The following NEDD4 variants were observed in gnomAD, a reference collection of about 807,000 sequenced individuals.
The protein encoded by NEDD4 is NEDD4 E3 ubiquitin protein ligase.
NEDD4 carries 99 observed loss-of-function variants against 144.9 expected under a neutral mutation model. The ratio of observed to expected loss-of-function variants is 0.68; its 90% confidence interval spans 0.58 to 0.81. The LOEUF (loss-of-function observed/expected upper bound fraction) is 0.81, where lower values mean the gene tolerates loss of function less well. Ranked by LOEUF, NEDD4 falls within the 30% of genes least tolerant of loss-of-function variation. The pLI is 0.00. For missense variants in NEDD4, 985 were observed against 1,065.9 expected, an observed-to-expected ratio of 0.92 and a Z score of 1.06; for synonymous variants, 318 against 350.6, an observed-to-expected ratio of 0.91 and a Z score of 1.04.
At position 55,840,489 on chromosome 15, in the gene NEDD4, C is replaced by T; in HGVS notation, c.1989G>A (p.Met663Ile). The change falls in exon 21 of 29, where the codon ATG becomes ATA. Residue 663 changes from methionine (M) to isoleucine (I), a missense_variant. Coordinates refer to ENST00000435532, the MANE Select transcript of NEDD4 (RefSeq NM_006154.4). ...DGFFIRPFYK[M>I]MLHKPITLHD... ...GAAGGGTTATTGGTTTGTGAAGCAT[C>T]ATCTTGTAAAATGGGCGGATGAAAA... 1 of 1,613,916 alleles carries T rather than the reference C, an allele frequency of 6.2e-7. No individual in the cohort carries two copies. The highest frequency in any genetic ancestry group is 8.5e-7 in the Non-Finnish European group (1 of 1,179,964).
At chr15:55,949,900 T>C (rs1480783613) in intron 4 of NEDD4, among the ~76,000 whole-genome samples, 1 of 151,476 alleles carries the variant, frequency 6.6e-6, no homozygotes, top group Admixed American at 6.6e-5. Flanking sequence ...TGTATACATA[T>C]GTAACAAACC....
chr15:55,875,400 C>T (rs935758852), intron 5 of NEDD4, among the ~76,000 whole-genome samples: 14 of 152,110 alleles, frequency 9.2e-5, no homozygotes, highest in African/African-American at 3.4e-4. Context: ...ACCTCTACTT[C>T]CTGGGTTCAA....
rs1426399222 is a variant in NEDD4 at position 55,947,237 on chromosome 15, T to G, written c.237+4139A>C. ...TCCAGGAGGTAGTTTTTTGAAAAGA[T>G]CAACAAAACTGATAGACCGCTACCA... On this transcript the variant is annotated intron_variant, in intron 4 of 28. Transcript: ENST00000435532. 2.0e-5 allele frequency among the ~76,000 whole-genome samples: 3 copies of G among 151,920 alleles called. No homozygotes were observed. The East Asian group carries it at 5.8e-4, about 29-fold the overall frequency.
chr15:55,961,045 A>C (rs1376815209), intron 2 of NEDD4, among the ~76,000 whole-genome samples: 1 of 152,224 alleles, frequency 6.6e-6, no homozygotes, highest in African/African-American at 2.4e-5. Context: ...CTTGTTTGTC[A>C]GGATTCTCCT....
At chr15:55,910,558 C>T (rs1247408083) in intron 5 of NEDD4, among the ~76,000 whole-genome samples, 1 of 152,084 alleles carries the variant, frequency 6.6e-6, no homozygotes, top group East Asian at 1.9e-4. Flanking sequence ...TCTTCCCTTC[C>T]CATCTCACTG....
rs1318426280 is a variant in NEDD4 at position 55,952,033 on chromosome 15, C to A, written c.120-444G>T. On this transcript the variant is annotated intron_variant, in intron 2 of 28. Transcript: ENST00000435532. ...CTGCTTTCACTTAAAAAAAAAAAAA[C>A]AAAAACTAGGTGTGGCCGCGCACGG... Among the ~76,000 whole-genome samples the A allele has an allele frequency of 4.5e-4, 66 of 147,592 alleles. 1 individual carries two copies. The highest frequency in any genetic ancestry group is 2.2e-3 in the East Asian group (11 of 5,050).
intron 8 of NEDD4, among the ~76,000 whole-genome samples, chr15:55,863,573 A>C (rs1453299552): frequency 1.3e-5 from 2 of 152,246 alleles, no homozygotes; most frequent in Non-Finnish European, 2.9e-5. Flanking sequence ...ATTGTCAATC[A>C]AAAATAAAAT....
At chr15:55,845,202 TAC>T (rs1323778785) in intron 18 of NEDD4, among the ~76,000 whole-genome samples, 1 of 152,218 alleles carries the variant, frequency 6.6e-6, no homozygotes, top group Non-Finnish European at 1.5e-5. Context: ...TTTATCCCCT[TAC>T]ATACCTTTGT....
intron 24 of NEDD4, 67 bp downstream of exon 24, chr15:55,837,722 C>T: frequency 1.8e-6 from 2 of 1,093,440 alleles, no homozygotes; most frequent in African/African-American, 3.2e-5. Context: ...TGTGATGAGG[C>T]CTAATATTTG....
chr15:55,862,681 C>T (rs763711668), intron 9 of NEDD4, among the ~76,000 whole-genome samples: 9 of 151,926 alleles, frequency 5.9e-5, no homozygotes, highest in African/African-American at 1.9e-4. Context: ...AAAATTAAGA[C>T]GCAATTAAAA....
intron 5 of NEDD4, among the ~76,000 whole-genome samples, chr15:55,895,350 C>T (rs2035705797): frequency 1.3e-5 from 2 of 152,204 alleles, no homozygotes; most frequent in Admixed American, 1.3e-4. Context: ...CAGACGACTG[C>T]TACTGTTGCA....
intron 5 of NEDD4, among the ~76,000 whole-genome samples, chr15:55,894,804 T>C (rs1430223964): frequency 1.3e-5 from 2 of 152,148 alleles, no homozygotes; most frequent in Admixed American, 6.5e-5. Flanking sequence ...AAAGAAGGAA[T>C]CTGAAGCAGG....
intron 24 of NEDD4, 35 bp downstream of exon 24, chr15:55,837,754 A>G (rs1346829962): frequency 6.6e-7 from 1 of 1,522,128 alleles, no homozygotes; most frequent in Non-Finnish European, 9.1e-7. Context: ...TTATACTGTG[A>G]CATTATGGAA....
intron 5 of NEDD4, among the ~76,000 whole-genome samples, chr15:55,904,881 T>G (rs2036034889): frequency 6.6e-6 from 1 of 151,488 alleles, no homozygotes; most frequent in South Asian, 2.1e-4. Context: ...TCACCTGAGG[T>G]TGGGAGTTTG....
intron 4 of NEDD4, among the ~76,000 whole-genome samples, chr15:55,927,094 A>AG (rs1480835068): frequency 5.3e-4 from 78 of 147,184 alleles, no homozygotes; most frequent in East Asian, 1.2e-3. Context: ...AAAAAAAAAA[A>AG]AAAAAGAAAG....
At chr15:55,910,873 TG>T (rs2036249942) in intron 5 of NEDD4, among the ~76,000 whole-genome samples, 1 of 152,216 alleles carries the variant, frequency 6.6e-6, no homozygotes, top group African/African-American at 2.4e-5. Context: ...CATGAAAAAT[TG>T]TCTTCTAAAA....
At chr15:55,979,509 G>T (rs1036240481) in intron 1 of NEDD4, among the ~76,000 whole-genome samples, 1 of 149,966 alleles carries the variant, frequency 6.7e-6, no homozygotes, top group African/African-American at 2.4e-5. Flanking sequence ...GCCCGCCACC[G>T]CGCCCGGCTA....
chr15:55,950,942 C>G (rs1264682686), intron 4 of NEDD4, among the ~76,000 whole-genome samples: 1 of 152,158 alleles, frequency 6.6e-6, no homozygotes. Flanking sequence ...TTGGAAATAA[C>G]TGCTGATTGG....
intron 19 of NEDD4, among the ~76,000 whole-genome samples, chr15:55,841,164 C>G (rs1378212062): frequency 2.0e-5 from 3 of 152,186 alleles, no homozygotes; most frequent in Admixed American, 6.5e-5. Flanking sequence ...GAACTCCTGG[C>G]ATTGTGATCC....
Sources: allele counts gnomAD v4.1 joint callset (sites outside exome capture counted in the v4.1 genomes callset), GRCh38; gene constraint gnomAD v4.1.1; transcripts MANE v1.5; gene names NCBI Gene and HGNC (gene_info 2026-07-23, HGNC 2026-07-21).